Variants in PRCP observed in about 807,000 individuals in gnomAD.
PRCP encodes prolylcarboxypeptidase, also known as lysosomal Pro-X carboxypeptidase.
A neutral mutation model predicts 54.2 loss-of-function variants in PRCP; 46 were observed. The ratio of observed to expected loss-of-function variants is 0.85; its 90% CI spans 0.67 to 1.09. PRCP has a LOEUF of 1.09. PRCP is among the 50% of genes least tolerant of loss of function. The pLI, the probability that PRCP is intolerant of heterozygous loss-of-function variation, is 0.00. For synonymous variants in PRCP, 240 were observed against 212.2 expected (o/e 1.13, Z -1.14); for missense variants, 613 against 596.8 (o/e 1.03, Z -0.28).
At chr11:82,854,717 C>A (rs1859039948) in intron 2 of PRCP, among the ~76,000 whole-genome samples, 1 of 150,010 alleles carries the variant, frequency 6.7e-6, no homozygotes. Context: ...ATCACCAAAG[C>A]AATCCTAAGC....
At chr11:82,859,757 G>T (rs1419607730) in intron 2 of PRCP, among the ~76,000 whole-genome samples, 1 of 152,056 alleles carries the variant, frequency 6.6e-6, no homozygotes, top group South Asian at 2.1e-4. Flanking sequence ...AGCTGAATAT[G>T]CAGACTTATT....
intron 1 of PRCP, among the ~76,000 whole-genome samples, chr11:82,898,961 A>G (rs1860181527): frequency 6.6e-6 from 1 of 151,942 alleles, no homozygotes; most frequent in Admixed American, 6.6e-5. Context: ...CCTAGGCAAG[A>G]TGACAAAATC....
At chr11:82,876,329 TGACCACA>T (rs1859602033) in intron 1 of PRCP, among the ~76,000 whole-genome samples, 1 of 152,246 alleles carries the variant, frequency 6.6e-6, no homozygotes, top group Admixed American at 6.5e-5. Flanking sequence ...TACAAGTCCC[TGACCACA>T]GCAAAGGCTC....
Position 82,823,335 on chromosome 11 carries a change from G to C in PRCP, c.*1571C>G, listed in dbSNP as rs1213364758. Among the ~76,000 whole-genome samples the C allele has an allele frequency of 6.6e-6, 1 of 152,246 alleles. No homozygotes were observed. The highest frequency in any genetic ancestry group is 1.5e-5 in the Non-Finnish European group (1 of 67,988). ...TTGACAAAGAATAAAAACTAGTATTGTTTTGGCCCTTAAATTCCCACCCAA... is the reference window on the plus strand; with the variant it reads ...TTGACAAAGAATAAAAACTAGTATTCTTTTGGCCCTTAAATTCCCACCCAA... On this transcript the variant is annotated 3_prime_UTR_variant, in exon 9 of 9. Coordinates refer to ENST00000313010, the MANE Select transcript of PRCP (RefSeq NM_005040.4).
chr11:82,900,907 G>C (rs1204309498), upstream of PRCP: 2 of 455,470 alleles, frequency 4.4e-6, no homozygotes, highest in African/African-American at 4.0e-5. Flanking sequence ...TTCACTACAG[G>C]CCAGTGTATC....
chr11:82,825,437 A>G (rs1274965867), intron 8 of PRCP: 1 of 291,808 alleles, frequency 3.4e-6, no homozygotes, highest in East Asian at 9.2e-5. Flanking sequence ...CAAAAGTTAT[A>G]TAATGCAAGT....
intron 3 of PRCP, among the ~76,000 whole-genome samples, chr11:82,851,040 T>C (rs1835380151): frequency 6.6e-6 from 1 of 152,138 alleles, no homozygotes; most frequent in South Asian, 2.1e-4. Flanking sequence ...TATTTTCAGG[T>C]ATTGGAAAAC....
At chr11:82,900,181 G>A in intron 1 of PRCP, 54 bp downstream of exon 1, 1 of 1,596,128 alleles carries the variant, frequency 6.3e-7, no homozygotes, top group Non-Finnish European at 8.6e-7. Context: ...GGCTCTGAGG[G>A]TCAGGGTTCC....
chr11:82,898,780 C>T (rs1179089675), intron 1 of PRCP, among the ~76,000 whole-genome samples: 1 of 152,190 alleles, frequency 6.6e-6, no homozygotes, highest in East Asian at 1.9e-4. Context: ...AAGATTATTT[C>T]CTAGTACCCC....
At chr11:82,841,058 A>ATATATATATATAAATAATAT (rs1178732590) in intron 6 of PRCP, among the ~76,000 whole-genome samples, 3 of 149,614 alleles carry the variant, frequency 2.0e-5, no homozygotes, top group African/African-American at 7.4e-5. Context: ...TATATAATAG[A>ATATATATATATAAATAATAT]CTAGTCCTGA....
chr11:82,882,776 T>A (rs544496708), intron 1 of PRCP, among the ~76,000 whole-genome samples: 1 of 147,870 alleles, frequency 6.8e-6, no homozygotes, highest in South Asian at 2.1e-4. Context: ...ATTACAGGCG[T>A]GAGCCACCGC....
chr11:82,843,550 T>G (rs895262060), intron 6 of PRCP, among the ~76,000 whole-genome samples: 1 of 152,256 alleles, frequency 6.6e-6, no homozygotes, highest in Non-Finnish European at 1.5e-5. Context: ...GTTGATTGTT[T>G]ACATAGAGGC....
At chr11:82,850,592 C>T in intron 3 of PRCP, 87 bp from the exon 4 acceptor site, 1 of 1,073,220 alleles carries the variant, frequency 9.3e-7, no homozygotes, top group Non-Finnish European at 1.2e-6. Context: ...GAGCCAGTGT[C>T]AGATAAGCTT....
chr11:82,848,094 T>C (rs1340352998), intron 6 of PRCP, among the ~76,000 whole-genome samples: 2 of 152,204 alleles, frequency 1.3e-5, no homozygotes, highest in East Asian at 1.9e-4. Context: ...AAGGTATACA[T>C]GTAATAATTC....
intron 2 of PRCP, among the ~76,000 whole-genome samples, chr11:82,859,023 C>T (rs1859152555): frequency 6.6e-6 from 1 of 152,168 alleles, no homozygotes; most frequent in South Asian, 2.1e-4. Context: ...TTTACTGAGA[C>T]CTCCTGACTA....
At chr11:82,896,098 G>A (rs750075517) in intron 1 of PRCP, among the ~76,000 whole-genome samples, 4 of 152,204 alleles carry the variant, frequency 2.6e-5, no homozygotes, top group Admixed American at 6.5e-5. Flanking sequence ...TCAGGACAGA[G>A]TTGTGAAGGA....
chr11:82,853,130 A>ATAGTTTCT (rs1304953389), intron 3 of PRCP, 47 bp downstream of exon 3: 2 of 1,416,034 alleles, frequency 1.4e-6, no homozygotes, highest in Admixed American at 4.4e-5. Context: ...AACTATTCTA[A>ATAGTTTCT]ATTGAAAAGA....
At chr11:82,895,897 C>T (rs901197303) in intron 1 of PRCP, among the ~76,000 whole-genome samples, 1 of 152,136 alleles carries the variant, frequency 6.6e-6, no homozygotes, top group African/African-American at 2.4e-5. Context: ...AATAGCTTAG[C>T]CCACTGATGT....
At chr11:82,842,499 A>T (rs1409264947) in intron 6 of PRCP, among the ~76,000 whole-genome samples, 1 of 152,202 alleles carries the variant, frequency 6.6e-6, no homozygotes, top group Non-Finnish European at 1.5e-5. Flanking sequence ...AGCAATCGGG[A>T]TGGGGAGCTG....
Sources: gnomAD v4.1 joint callset for allele counts (sites outside exome capture counted in the v4.1 genomes callset) on GRCh38, gnomAD v4.1.1 for gene constraint, MANE v1.5 for transcripts, NCBI Gene and HGNC (gene_info 2026-07-23, HGNC 2026-07-21) for gene names.